Variants in MYO5B observed in about 807,000 individuals in gnomAD.
MYO5B encodes the protein unconventional myosin-Vb.
In MYO5B, 143 loss-of-function variants were observed where a neutral mutation model predicts 229.3. That is an observed-to-expected ratio of 0.62 (90% CI 0.54 to 0.72). The LOEUF is 0.72. Ranked by LOEUF, MYO5B falls within the 30% of genes least tolerant of loss-of-function variation. The pLI, the probability that MYO5B is intolerant of heterozygous loss-of-function variation, is 0.00. For synonymous variants in MYO5B, 918 were observed against 885.2 expected (o/e 1.04, Z -0.66); for missense variants, 2,321 against 2,331.0 (o/e 1.00, Z 0.09).
chr18:50,003,043 G>A (rs1415172788), intron 4 of MYO5B, among the ~76,000 whole-genome samples: 1 of 152,098 alleles, frequency 6.6e-6, no homozygotes, highest in African/African-American at 2.4e-5. Context: ...TGATACAAGG[G>A]AATGGTCCAA....
chr18:49,876,247 A>G, intron 25 of MYO5B: 1 of 300,528 alleles, frequency 3.3e-6, no homozygotes, highest in Non-Finnish European at 6.4e-6. Flanking sequence ...AATCACTGCA[A>G]TGTGCTGTCA....
chr18:50,001,682 T>C (rs2026048937), intron 4 of MYO5B, among the ~76,000 whole-genome samples: 1 of 152,142 alleles, frequency 6.6e-6, no homozygotes, highest in Admixed American at 6.5e-5. Context: ...TCTCCCGAGT[T>C]CCCACTGGGT....
intron 1 of MYO5B, among the ~76,000 whole-genome samples, chr18:50,149,173 TG>T (rs1385865867): frequency 6.6e-6 from 1 of 152,178 alleles, no homozygotes; most frequent in African/African-American, 2.4e-5. Flanking sequence ...CACTGCTCAA[TG>T]TAATCAAAGA....
chr18:50,187,464 C>G (rs1427256785), intron 1 of MYO5B, among the ~76,000 whole-genome samples: 1 of 151,956 alleles, frequency 6.6e-6, no homozygotes, highest in African/African-American at 2.4e-5. Context: ...AAGCATAAGA[C>G]AGTCTGACAA....
intron 1 of MYO5B, among the ~76,000 whole-genome samples, chr18:50,140,641 A>G (rs1432089641): frequency 6.6e-6 from 1 of 152,242 alleles, no homozygotes; most frequent in African/African-American, 2.4e-5. Flanking sequence ...AATTCTTTCC[A>G]TTCAGCAGAG....
intron 1 of MYO5B, among the ~76,000 whole-genome samples, chr18:50,091,313 G>A (rs2031443720): frequency 6.6e-6 from 1 of 152,198 alleles, no homozygotes; most frequent in African/African-American, 2.4e-5. Context: ...TACCCAGACT[G>A]ACAGAAGCTT....
At chr18:50,077,502 AAC>A (rs60086500) in intron 1 of MYO5B, among the ~76,000 whole-genome samples, 12,549 of 133,292 alleles carry the variant, frequency 0.094, 616 homozygotes, top group African/African-American at 0.15. Flanking sequence ...CACACACACA[AAC>A]ACACACACAC....
At chr18:49,906,077 G>A (rs1046082601) in intron 19 of MYO5B, among the ~76,000 whole-genome samples, 2 of 152,300 alleles carry the variant, frequency 1.3e-5, no homozygotes, top group South Asian at 2.1e-4. Flanking sequence ...ACTGTGCCAG[G>A]CTGTATTGGT....
chr18:49,957,915 A>G (rs1326419321), intron 12 of MYO5B, among the ~76,000 whole-genome samples: 2 of 151,348 alleles, frequency 1.3e-5, no homozygotes, highest in Non-Finnish European at 2.9e-5. Flanking sequence ...CTTTGCCATC[A>G]CAGAAGCCCA....
intron 2 of MYO5B, among the ~76,000 whole-genome samples, chr18:50,045,655 T>C (rs1344053278): frequency 2.6e-5 from 4 of 152,286 alleles, no homozygotes; most frequent in South Asian, 4.1e-4. Flanking sequence ...TCCCAAAGTG[T>C]GAGATTACAG....
intron 1 of MYO5B, among the ~76,000 whole-genome samples, chr18:50,190,932 C>T (rs1464539002): frequency 6.6e-6 from 1 of 152,154 alleles, no homozygotes; most frequent in East Asian, 1.9e-4. Flanking sequence ...ATACATAATA[C>T]ATTGATGTGT....
chr18:50,042,752 G>A (rs1013994382), intron 2 of MYO5B, among the ~76,000 whole-genome samples: 1 of 152,190 alleles, frequency 6.6e-6, no homozygotes, highest in African/African-American at 2.4e-5. Flanking sequence ...CCGGACCTGA[G>A]AGAGCACAGC....
At chr18:50,001,733 A>G (rs761620423) in intron 4 of MYO5B, among the ~76,000 whole-genome samples, 1 of 152,108 alleles carries the variant, frequency 6.6e-6, no homozygotes, top group Non-Finnish European at 1.5e-5. Context: ...ATCCTTTAAG[A>G]ATTCACAAGC....
At chr18:50,135,527 A>G (rs960865176) in intron 1 of MYO5B, among the ~76,000 whole-genome samples, 1 of 152,226 alleles carries the variant, frequency 6.6e-6, no homozygotes, top group East Asian at 1.9e-4. Context: ...CTCTAGGTAA[A>G]GAGACAAGGA....
At chr18:50,184,803 C>T (rs566633700) in intron 1 of MYO5B, among the ~76,000 whole-genome samples, 13 of 152,012 alleles carry the variant, frequency 8.6e-5, no homozygotes, top group African/African-American at 3.1e-4. Flanking sequence ...CTTTGGGAGG[C>T]TGAGGTGGGA....
chr18:50,165,859 G>A (rs2032844085), intron 1 of MYO5B, among the ~76,000 whole-genome samples: 1 of 152,108 alleles, frequency 6.6e-6, no homozygotes, highest in African/African-American at 2.4e-5. Context: ...TAACCTGACT[G>A]GAAAACCAGG....
intron 36 of MYO5B, 129 bp from the exon 37 acceptor site, chr18:49,837,931 T>TTAG (rs2144032860): frequency 8.0e-7 from 1 of 1,251,938 alleles, no homozygotes; most frequent in South Asian, 1.3e-5. Context: ...GTTGACATGC[T>TTAG]TAGGAACTTA....
rs1475570754 is a variant in MYO5B at position 49,853,609 on chromosome 18, T to C, written c.4061A>G (p.His1354Arg). 1 of 1,613,932 alleles carries C rather than the reference T, an allele frequency of 6.2e-7. No individual in the cohort carries two copies. The highest frequency in any genetic ancestry group is 8.5e-7 in the Non-Finnish European group (1 of 1,180,020). The change falls in exon 31 of 40, where the codon CAT becomes CGT. Residue 1354 changes from histidine to arginine, a missense_variant. Coordinates refer to ENST00000285039, the MANE Select transcript of MYO5B (RefSeq NM_001080467.3). The stretch of plus-strand genomic sequence containing the variant: ...CTTGAGATGCTCCACCTCCTCCTCA[T>C]GCTCCAGGCTCTGGGCCTGCAGCTG... ...EAQLQAQSLE[H>R]EEEVEHLKAQ...
At chr18:49,894,653 C>T (rs2024756208) in intron 22 of MYO5B, among the ~76,000 whole-genome samples, 1 of 152,210 alleles carries the variant, frequency 6.6e-6, no homozygotes, top group Admixed American at 6.5e-5. Context: ...ACAGAGCCAG[C>T]CCTGGGCCTA....
Sources: gnomAD v4.1 joint callset for allele counts (sites outside exome capture counted in the v4.1 genomes callset) on GRCh38, gnomAD v4.1.1 for gene constraint, MANE v1.5 for transcripts, NCBI Gene and HGNC (gene_info 2026-07-23, HGNC 2026-07-21) for gene names.